Variants in PTPN14 observed in about 807,000 individuals in gnomAD.
The protein encoded by PTPN14 is tyrosine-protein phosphatase non-receptor type 14.
Under a neutral mutation model 126.8 loss-of-function variants are expected in PTPN14, and 53 were observed. The ratio of observed to expected loss-of-function variants is 0.42; its 90% CI spans 0.34 to 0.53. PTPN14 has a LOEUF of 0.53. PTPN14 is among the 20% of genes least tolerant of loss of function. PTPN14 has a pLI of 0.08. For missense variants in PTPN14, 1,257 were observed against 1,552.9 expected, an observed-to-expected ratio of 0.81 and a Z score of 3.20; for synonymous variants, 630 against 599.3, an observed-to-expected ratio of 1.05 and a Z score of -0.75.
At chr1:214,393,281 G>A (rs186821784) in intron 10 of PTPN14, among the ~76,000 whole-genome samples, 2 of 152,266 alleles carry the variant, frequency 1.3e-5, no homozygotes, top group East Asian at 1.9e-4. Flanking sequence ...TAAGCGACAC[G>A]GGGCTGAGGA....
Position 214,383,903 on chromosome 1 carries a change from C to T in PTPN14, c.1952G>A (p.Arg651Gln), listed in dbSNP as rs565634580. The T allele has an allele frequency of 2.8e-5, 45 of 1,613,416 alleles. No homozygotes were observed. The highest frequency in any genetic ancestry group is 1.1e-4 in the South Asian group (10 of 91,078). Reference protein sequence around the residue: ...HSLEVMNSMVRGMEAMTLKSL... With the variant: ...HSLEVMNSMVQGMEAMTLKSL... ...CTTGAGCGTCATGGCCTCCATGCCCCGCACCATGCTGTTCATCACCTCCAG... is the reference window on the plus strand; with the variant it reads ...CTTGAGCGTCATGGCCTCCATGCCCTGCACCATGCTGTTCATCACCTCCAG... Residue 651 changes from arginine to glutamine, a missense_variant, in exon 13 of 19, where the codon CGG (arginine) becomes CAG (glutamine). Transcript: ENST00000366956. This position sits in a 1 kb window ranked among gnomAD's most constrained non-coding sequence, Gnocchi z 4.4.
At chr1:214,544,853 T>C (rs908002992) in intron 1 of PTPN14, among the ~76,000 whole-genome samples, 1 of 122,800 alleles carries the variant, frequency 8.1e-6, no homozygotes, top group Non-Finnish European at 1.8e-5. Flanking sequence ...GAAGAGGAGG[T>C]GAGAGAGAAA....
intron 3 of PTPN14, among the ~76,000 whole-genome samples, chr1:214,439,251 T>A (rs1437072004): frequency 6.6e-6 from 1 of 152,228 alleles, no homozygotes; most frequent in African/African-American, 2.4e-5. Context: ...TCAGTAGCTA[T>A]CTTTTCACAG....
At chr1:214,405,034 G>A (rs890142306) in intron 5 of PTPN14, among the ~76,000 whole-genome samples, 2 of 152,176 alleles carry the variant, frequency 1.3e-5, no homozygotes, top group African/African-American at 2.4e-5. Flanking sequence ...TGCCCAAGAG[G>A]TCAAGCCCCA....
Position 214,411,704 on chromosome 1 carries a change from C to G in PTPN14, c.490G>C (p.Glu164Gln), listed in dbSNP as rs1303530484. The G allele has an allele frequency of 1.1e-5, 16 of 1,510,644 alleles. No individual in the cohort carries two copies. The highest frequency in any genetic ancestry group is 1.5e-5 in the Non-Finnish European group (16 of 1,095,158). 93.6% of individuals were successfully genotyped at this position (1,510,644 alleles called of 1,614,324 possible). Residue 164 changes from glutamate to glutamine, a missense_variant, in exon 5 of 19, where the codon GAG becomes CAG. Around this residue, in one of 3 missense-constraint regions of PTPN14, gnomAD observed 1,021 missense variants for 1,183.3 expected, o/e 0.86. Transcript: ENST00000366956. ...CTTACCATAGGAAATAGCACATACT[C>G]TCTGAGGAAATCTTGAGAATCAAAC... ...NQFDSQDFLR[E>Q]YVLFPMDLAL...
intron 3 of PTPN14, among the ~76,000 whole-genome samples, chr1:214,428,762 G>A (rs1197502445): frequency 6.6e-6 from 1 of 152,248 alleles, no homozygotes; most frequent in South Asian, 2.1e-4. Context: ...CAAAATCTCT[G>A]GAAGGCCCAA....
chr1:214,411,738 G>C lies in PTPN14; in HGVS notation c.456C>G (p.Asp152Glu), dbSNP rs746576679. The change falls in exon 5 of 19, where the codon GAC becomes GAG. Residue 152 changes from aspartate (D) to glutamate (E), a missense_variant. Asp to Glu is a conservative substitution (Grantham distance 45). Transcript: ENST00000366956. ...AGLAVQADFG[D>E]YNQFDSQDFL... is the part of the protein sequence containing the mutation. ...AATCTTGAGAATCAAACTGATTATA[G>C]TCTCCAAAATCAGCTGAGAAGAAAA... is the stretch of plus-strand genomic sequence containing the variant. 2 of 1,508,446 alleles carry C rather than the reference G, an allele frequency of 1.3e-6. No individual in the cohort carries two copies. Among genetic ancestry groups the C allele is most frequent in the African/African-American group, 2.8e-5 (2 of 71,598 alleles). The allele number at this position is 1,508,446 out of a possible 1,614,324, so 93.4% of individuals were successfully genotyped here.
At chr1:214,453,312 T>C (rs1244591950) in intron 2 of PTPN14, among the ~76,000 whole-genome samples, 3 of 152,222 alleles carry the variant, frequency 2.0e-5, no homozygotes, top group Admixed American at 6.5e-5. Flanking sequence ...AGTCCATTAG[T>C]TGTTCCAACC....
intron 5 of PTPN14, among the ~76,000 whole-genome samples, 163 bp downstream of exon 5, chr1:214,411,521 T>G (rs1001976183): frequency 6.6e-6 from 1 of 152,176 alleles, no homozygotes; most frequent in Non-Finnish European, 1.5e-5. Flanking sequence ...AGAAGGCATT[T>G]TTACCTTCTC....
At chr1:214,486,618 C>T (rs1456433854) in intron 1 of PTPN14, among the ~76,000 whole-genome samples, 1 of 152,120 alleles carries the variant, frequency 6.6e-6, no homozygotes, top group South Asian at 2.1e-4. Flanking sequence ...GGGCCCAGAA[C>T]AAAACGGAAA....
At chr1:214,528,097 T>C (rs1160688321) in intron 1 of PTPN14, among the ~76,000 whole-genome samples, 2 of 152,206 alleles carry the variant, frequency 1.3e-5, no homozygotes, top group East Asian at 3.8e-4. Context: ...AAACAGTGAC[T>C]AAATACAGCC....
chr1:214,534,629 C>T (rs1249082775), intron 1 of PTPN14, among the ~76,000 whole-genome samples: 8 of 151,828 alleles, frequency 5.3e-5, no homozygotes, highest in Non-Finnish European at 7.4e-5. Flanking sequence ...AGGAGAATGG[C>T]GTGAATGTGG....
chr1:214,522,111 AT>A (rs1165073825), intron 1 of PTPN14, among the ~76,000 whole-genome samples: 8 of 151,696 alleles, frequency 5.3e-5, no homozygotes, highest in Admixed American at 2.6e-4. Context: ...TAGTTTTTGT[AT>A]TTTTAGTAGA....
At chr1:214,549,071 C>G (rs919436081) in intron 1 of PTPN14, among the ~76,000 whole-genome samples, 4 of 152,108 alleles carry the variant, frequency 2.6e-5, no homozygotes, top group African/African-American at 7.2e-5. Flanking sequence ...AGAAAAGATG[C>G]TGGTAGAGGG....
chr1:214,435,125 G>A (rs770889524), intron 3 of PTPN14, among the ~76,000 whole-genome samples: 16 of 152,202 alleles, frequency 1.1e-4, no homozygotes, highest in South Asian at 2.1e-4. Context: ...CTTCATTCCC[G>A]TTATCAAAAG....
chr1:214,378,554 TG>T (rs1353922278), intron 13 of PTPN14, among the ~76,000 whole-genome samples: 6 of 149,924 alleles, frequency 4.0e-5, no homozygotes, highest in African/African-American at 7.4e-5. Context: ...TGTTGTTGAT[TG>T]AGAGATCCAC....
At position 214,364,563 on chromosome 1, in the gene PTPN14, G is replaced by T. The variant is rs368023398; in HGVS notation, c.3384C>A (p.Thr1128=). The part of the protein sequence containing the change: ...VVHCSAGVGR[T]GVLILSELMI... ...TCAGCTCAGAAAGAATGAGCACGCC[G>T]GTCCTTCCCACCCCAGCACTACAGT... Residue 1128 remains threonine (T), a synonymous_variant, in exon 18 of 19, where the codon ACC becomes ACA. Transcript: ENST00000366956. This position sits in a 1 kb window ranked among gnomAD's most constrained non-coding sequence, Gnocchi z 4.1. The T allele has an allele frequency of 6.2e-7, 1 of 1,614,016 alleles. No homozygotes were observed. The highest frequency in any genetic ancestry group is 1.1e-5 in the South Asian group (1 of 91,056).
chr1:214,495,855 C>T (rs1441704822), intron 1 of PTPN14, among the ~76,000 whole-genome samples: 2 of 152,130 alleles, frequency 1.3e-5, no homozygotes, highest in Admixed American at 1.3e-4. Context: ...CCACCATGCC[C>T]AGCTAATTTT....
At position 214,383,785 on chromosome 1, in the gene PTPN14, A is replaced by C. The variant is rs750171280; in HGVS notation, c.2070T>G (p.Pro690=). The C allele has an allele frequency of 1.9e-6, 3 of 1,612,994 alleles. No individual in the cohort carries two copies. Among genetic ancestry groups the C allele is most frequent in the Non-Finnish European group, 2.5e-6 (3 of 1,179,996 alleles). Reference sequence around the variant, plus strand: ...AGAAGGTCTTCTTGTGGTGATACTGAGGGAGCTGGGGGACCTCGTGGCTGC... The same window carrying C: ...AGAAGGTCTTCTTGTGGTGATACTGCGGGAGCTGGGGGACCTCGTGGCTGC... The part of the protein sequence containing the change: ...GSGSHEVPQL[P]QYHHKKTFSD... Residue 690 remains proline (P), a synonymous_variant, in exon 13 of 19, where the codon CCT becomes CCG. Transcript: ENST00000366956. This position sits in a 1 kb window ranked among gnomAD's most constrained non-coding sequence, Gnocchi z 4.4.
Sources: gnomAD v4.1 joint callset for allele counts (sites outside exome capture counted in the v4.1 genomes callset) on GRCh38, gnomAD v4.1.1 for gene constraint, gnomAD v4.1.1 regional missense constraint, Gnocchi (gnomAD v3.1) non-coding constraint, MANE v1.5 for transcripts, NCBI Gene and HGNC (gene_info 2026-07-23, HGNC 2026-07-21) for gene names.